Variants in SVOP observed in about 807,000 individuals in gnomAD.
The protein encoded by SVOP is synaptic vesicle 2-related protein.
Under a neutral mutation model 69.1 loss-of-function variants are expected in SVOP, and 17 were observed. That is an observed-to-expected ratio of 0.25 (90% CI 0.17 to 0.37). The LOEUF (loss-of-function observed/expected upper bound fraction) is 0.37, where lower values mean the gene tolerates loss of function less well. Among genes scored for constraint, SVOP ranks in the 10% least tolerant of loss-of-function variants. The pLI is 1.00. For synonymous variants in SVOP, 238 were observed against 238.6 expected (o/e 1.00, Z 0.02); for missense variants, 435 against 597.5 (o/e 0.73, Z 2.84).
intron 10 of SVOP, among the ~76,000 whole-genome samples, chr12:108,936,023 TACACACACAC>T (rs144380662): frequency 1.4e-5 from 2 of 144,664 alleles, no homozygotes; most frequent in African/African-American, 2.6e-5. Flanking sequence ...ATAGTATAAA[TACACACACAC>T]ACACACACAC....
At chr12:108,976,834 C>T (rs779229806) in intron 4 of SVOP, among the ~76,000 whole-genome samples, 7 of 152,048 alleles carry the variant, frequency 4.6e-5, no homozygotes, top group Non-Finnish European at 1.0e-4. Context: ...AGACTGGTCT[C>T]GAACTCCTGA....
chr12:108,925,967 G>A (rs1376299944), intron 11 of SVOP, among the ~76,000 whole-genome samples: 1 of 150,060 alleles, frequency 6.7e-6, no homozygotes, highest in East Asian at 1.9e-4. Flanking sequence ...CACCCAGGCT[G>A]GAGTGCAGTG....
chr12:108,938,735 G>A (rs1441782924), intron 9 of SVOP, 92 bp downstream of exon 9: 2 of 1,578,842 alleles, frequency 1.3e-6, no homozygotes, highest in African/African-American at 1.3e-5. Flanking sequence ...ACCCACATGT[G>A]TCCTCGCATG....
intron 1 of SVOP, among the ~76,000 whole-genome samples, chr12:108,986,535 C>T (rs373902317): frequency 7.2e-5 from 11 of 152,178 alleles, no homozygotes; most frequent in African/African-American, 1.9e-4. Flanking sequence ...CATGTGAAAT[C>T]GCCAACATTT....
chr12:109,012,430 A>T (rs780266469), intron 1 of SVOP, among the ~76,000 whole-genome samples: 17 of 152,176 alleles, frequency 1.1e-4, no homozygotes, highest in Non-Finnish European at 2.2e-4. Context: ...ACAAAAAAGG[A>T]TGTGAGATGA....
At chr12:108,939,378 A>G (rs2039876322) in intron 8 of SVOP, among the ~76,000 whole-genome samples, 1 of 152,172 alleles carries the variant, frequency 6.6e-6, no homozygotes, top group East Asian at 1.9e-4. Flanking sequence ...TCTCACCCCC[A>G]TTGTTCAAGG....
At chr12:108,947,911 C>T (rs1286068780) in intron 6 of SVOP, among the ~76,000 whole-genome samples, 1 of 152,014 alleles carries the variant, frequency 6.6e-6, no homozygotes, top group African/African-American at 2.4e-5. Flanking sequence ...GCTGGGGACA[C>T]ATTTAGATCT....
At chr12:108,936,675 C>T (rs1262294922) in intron 10 of SVOP, among the ~76,000 whole-genome samples, 1 of 152,232 alleles carries the variant, frequency 6.6e-6, no homozygotes. Context: ...AGGGTTTTAC[C>T]GTGTTGCCCA....
At chr12:108,967,052 G>A (rs965762259) in intron 5 of SVOP, among the ~76,000 whole-genome samples, 2 of 152,152 alleles carry the variant, frequency 1.3e-5, no homozygotes, top group African/African-American at 2.4e-5. Context: ...CCCACCTACA[G>A]ATGAGAAAAC....
chr12:108,934,705 G>A (rs1378425693), intron 10 of SVOP, among the ~76,000 whole-genome samples: 1 of 152,182 alleles, frequency 6.6e-6, no homozygotes, highest in Non-Finnish European at 1.5e-5. Flanking sequence ...CCAAAACCAA[G>A]ATGGCGATGA....
At chr12:109,020,754 A>ACCCCCCCCCCTCCC (rs67827847) in intron 1 of SVOP, 80 bp downstream of exon 1, 1 of 230,960 alleles carries the variant, frequency 4.3e-6, no homozygotes, top group South Asian at 3.7e-5. Context: ...GCAGAGATGT[A>ACCCCCCCCCCTCCC]CCCCCCCCCA....
At chr12:108,938,798 T>A in intron 9 of SVOP, 29 bp downstream of exon 9, 2 of 1,613,862 alleles carry the variant, frequency 1.2e-6, no homozygotes, top group Non-Finnish European at 1.7e-6. Flanking sequence ...GATACGCACA[T>A]TGCAGAGTCT....
intron 11 of SVOP, among the ~76,000 whole-genome samples, chr12:108,924,243 AG>A (rs983236017): frequency 5.3e-5 from 8 of 152,162 alleles, no homozygotes; most frequent in African/African-American, 1.9e-4. Flanking sequence ...CCAGCCCCCC[AG>A]GACCGACAGA....
At chr12:108,987,806 T>C (rs2040174059) in intron 1 of SVOP, among the ~76,000 whole-genome samples, 1 of 152,248 alleles carries the variant, frequency 6.6e-6, no homozygotes, top group South Asian at 2.1e-4. Context: ...TGACTTGTAC[T>C]TCTTTCTGTA....
chr12:108,949,306 C>T (rs1449289863), intron 6 of SVOP, among the ~76,000 whole-genome samples: 4 of 151,728 alleles, frequency 2.6e-5, no homozygotes, highest in Non-Finnish European at 4.4e-5. Flanking sequence ...GTCTCACTCT[C>T]TCATCCAGGC....
At chr12:108,973,315 G>A (rs983124534) in intron 4 of SVOP, among the ~76,000 whole-genome samples, 1 of 152,214 alleles carries the variant, frequency 6.6e-6, no homozygotes, top group Non-Finnish European at 1.5e-5. Context: ...TGGCATGTCC[G>A]AGGGCAGGGA....
Position 108,966,735 on chromosome 12 carries a change from C to G in SVOP, c.453+5670G>C, listed in dbSNP as rs541928846. On this transcript the variant is annotated intron_variant, in intron 5 of 15. Coordinates refer to ENST00000610966, the MANE Select transcript of SVOP (RefSeq NM_018711.5). ...GAATTTATCAAGCTGTTTGGAAGAA[C>G]TGGCGGGACACCATATGGGCAGCCT... Among the ~76,000 whole-genome samples, 4 of 152,290 alleles carry G rather than the reference C, an allele frequency of 2.6e-5. No individual in the cohort carries two copies. The East Asian group carries it at 5.8e-4, about 22-fold the overall frequency.
chr12:108,971,031 A>T (rs1475748992), intron 5 of SVOP, among the ~76,000 whole-genome samples: 1 of 151,854 alleles, frequency 6.6e-6, no homozygotes, highest in Non-Finnish European at 1.5e-5. Context: ...AAAACAAAAG[A>T]AACAGTGATT....
intron 1 of SVOP, among the ~76,000 whole-genome samples, chr12:109,006,582 G>T (rs1281759413): frequency 6.6e-6 from 1 of 152,138 alleles, no homozygotes; most frequent in East Asian, 1.9e-4. Flanking sequence ...TCCCAGGAAA[G>T]AAATGGGCAA....
Sources: gnomAD v4.1 joint callset for allele counts (sites outside exome capture counted in the v4.1 genomes callset) on GRCh38, gnomAD v4.1.1 for gene constraint, MANE v1.5 for transcripts, NCBI Gene and HGNC (gene_info 2026-07-23, HGNC 2026-07-21) for gene names.